Variants in A1CF observed in about 807,000 individuals in gnomAD.
A1CF encodes the protein APOBEC-1 stimulating protein.
A neutral mutation model predicts 68.9 loss-of-function variants in A1CF; 48 were observed. The observed-to-expected ratio is 0.70, with a 90% CI of 0.55 to 0.89. The LOEUF is 0.89. Ranked by LOEUF, A1CF falls within the 40% of genes least tolerant of loss-of-function variation. A1CF has a pLI of 0.00. For synonymous variants in A1CF, 272 were observed against 260.4 expected (o/e 1.04, Z -0.43); for missense variants, 653 against 718.9 (o/e 0.91, Z 1.05).
chr10:50,808,900 G>A (rs1837960995), intron 12 of A1CF, among the ~76,000 whole-genome samples: 1 of 151,832 alleles, frequency 6.6e-6, no homozygotes, highest in African/African-American at 2.4e-5. Flanking sequence ...TAATCAATAA[G>A]AATATCATGT....
intron 1 of A1CF, among the ~76,000 whole-genome samples, chr10:50,879,212 G>A (rs1250676061): frequency 1.3e-5 from 2 of 152,180 alleles, no homozygotes; most frequent in African/African-American, 4.8e-5. Flanking sequence ...TCTGAATTAG[G>A]TCAGTTTAAA....
rs144334869 is a variant in A1CF, at chr10:50,859,867, T to C, written c.74A>G (p.Gln25Arg). ...QKEAALRALV[Q>R]RTGYSLVQEN... is the part of the protein sequence containing the mutation. Reference sequence around the variant, plus strand: ...CTGGACCAAGCTATATCCTGTGCGCTGGACCAGTGCGCGGAGGGCTGCTTC... The same window carrying C: ...CTGGACCAAGCTATATCCTGTGCGCCGGACCAGTGCGCGGAGGGCTGCTTC... Residue 25 changes from glutamine to arginine, a missense_variant, in exon 3 of 13, where the codon CAG (glutamine) becomes CGG (arginine). Coordinates refer to ENST00000373997, the MANE Select transcript of A1CF (RefSeq NM_014576.4). The C allele has an allele frequency of 4.3e-6, 7 of 1,613,940 alleles. No homozygotes were observed. The highest frequency in any genetic ancestry group is 4.0e-5 in the African/African-American group (3 of 74,922).
At chr10:50,844,754 A>C (rs1235270623) in intron 3 of A1CF, among the ~76,000 whole-genome samples, 1 of 152,214 alleles carries the variant, frequency 6.6e-6, no homozygotes. Flanking sequence ...CCAATGTATC[A>C]CTGTACCATC....
intron 7 of A1CF, chr10:50,824,134 C>A (rs1452319479): frequency 6.6e-6 from 1 of 152,054 alleles, no homozygotes; most frequent in African/African-American, 2.4e-5. Flanking sequence ...CCACCAGCTG[C>A]AGACTGTGCC....
intron 1 of A1CF, among the ~76,000 whole-genome samples, chr10:50,876,298 T>G (rs146977850): frequency 7.8e-4 from 119 of 152,362 alleles, no homozygotes; most frequent in African/African-American, 2.7e-3. Context: ...CCTTTCCTTT[T>G]GTAATTGCTC....
chr10:50,836,411 G>T, intron 5 of A1CF, 99 bp from the exon 6 acceptor site: 1 of 1,350,304 alleles, frequency 7.4e-7, no homozygotes, highest in Non-Finnish European at 1.0e-6. Context: ...GATGTGGGAT[G>T]TTTGGGTTCA....
At chr10:50,863,792 G>A (rs1342514129) in intron 2 of A1CF, among the ~76,000 whole-genome samples, 1 of 151,952 alleles carries the variant, frequency 6.6e-6, no homozygotes. Context: ...TGAGACAGAA[G>A]TTCTACTATT....
At chr10:50,876,554 G>GGGC (rs2132609421) in intron 1 of A1CF, among the ~76,000 whole-genome samples, 1 of 152,334 alleles carries the variant, frequency 6.6e-6, no homozygotes, top group East Asian at 1.9e-4. Flanking sequence ...AGAGGGAGCT[G>GGGC]GGCCTGCATG....
intron 6 of A1CF, among the ~76,000 whole-genome samples, chr10:50,828,653 G>C (rs1463831383): frequency 6.6e-6 from 1 of 152,094 alleles, no homozygotes; most frequent in Non-Finnish European, 1.5e-5. Context: ...GAAAATTATG[G>C]ATTTAGGGCC....
intron 3 of A1CF, among the ~76,000 whole-genome samples, chr10:50,857,164 G>C (rs1840519505): frequency 6.6e-6 from 1 of 152,038 alleles, no homozygotes; most frequent in Non-Finnish European, 1.5e-5. Context: ...TTTTAAGACG[G>C]AATTGGACTT....
rs1448403406 is a variant in A1CF at position 50,803,226 on chromosome 10, C to T, written c.*3503G>A. 1 of 151,834 alleles carries T rather than the reference C, an allele frequency of 6.6e-6. No individual in the cohort carries two copies. The highest frequency in any genetic ancestry group is 1.5e-5 in the Non-Finnish European group (1 of 68,064). The allele number at this position is 151,834 out of a possible 1,614,324, so 9.4% of individuals were successfully genotyped here. A position where few individuals can be genotyped will look rare whatever the true frequency, so the allele number is the denominator to read the frequency against. ...GCCTTAGCTTCCCAAGTAGCTGGGA[C>T]CACAGGCCCACGCCACCACAACTGG... On this transcript the variant is annotated 3_prime_UTR_variant, in exon 13 of 13. Transcript: ENST00000373997.
intron 2 of A1CF, among the ~76,000 whole-genome samples, chr10:50,861,293 A>T (rs1840734129): frequency 6.6e-6 from 1 of 150,652 alleles, no homozygotes; most frequent in African/African-American, 2.4e-5. Flanking sequence ...ACTACCTACT[A>T]ATATTAGTAT....
rs771667377 is a variant in A1CF, at chr10:50,813,208, G to A, written c.1323+649C>T. On this transcript the variant is annotated intron_variant, in intron 10 of 12. Transcript: ENST00000373997. ...TCTGTTTTGTTTTATTTTTAACCCCGGGAGTCAGTTTCCATATTGAAACTT... is the reference window on the plus strand; with the variant it reads ...TCTGTTTTGTTTTATTTTTAACCCCAGGAGTCAGTTTCCATATTGAAACTT... Among the ~76,000 whole-genome samples the A allele has an allele frequency of 6.6e-5, 10 of 152,128 alleles. No homozygotes were observed. The East Asian group carries it at 7.7e-4, about 12-fold the overall frequency.
At chr10:50,880,521 G>A (rs148269264) in intron 1 of A1CF, among the ~76,000 whole-genome samples, 79 of 152,228 alleles carry the variant, frequency 5.2e-4, no homozygotes, top group African/African-American at 1.7e-3. Flanking sequence ...AGGGATCTTC[G>A]GAAAAGAAGG....
intron 10 of A1CF, 46 bp downstream of exon 10, chr10:50,813,811 C>T (rs1461599082): frequency 6.3e-7 from 1 of 1,580,500 alleles, no homozygotes; most frequent in East Asian, 2.2e-5. Flanking sequence ...GAATGATGCT[C>T]ATTGGCACAA....
intron 3 of A1CF, among the ~76,000 whole-genome samples, chr10:50,845,967 A>AC (rs992156629): frequency 1.2e-4 from 18 of 152,056 alleles, no homozygotes; most frequent in South Asian, 8.3e-4. Context: ...AAAAAAAAAA[A>AC]AACTCCTTAT....
chr10:50,833,770 T>G (rs947786807), intron 6 of A1CF, among the ~76,000 whole-genome samples: 23 of 152,124 alleles, frequency 1.5e-4, no homozygotes, highest in African/African-American at 5.6e-4. Flanking sequence ...GAGATCTCAT[T>G]AGAGGTGAAG....
intron 3 of A1CF, among the ~76,000 whole-genome samples, chr10:50,852,990 C>T (rs1840318567): frequency 6.6e-6 from 1 of 152,096 alleles, no homozygotes; most frequent in Non-Finnish European, 1.5e-5. Context: ...ATTCTTTGTA[C>T]CTGATGGCTT....
intron 4 of A1CF, 54 bp downstream of exon 4, chr10:50,843,934 A>G (rs1334454798): frequency 7.5e-6 from 12 of 1,603,022 alleles, no homozygotes; most frequent in Non-Finnish European, 1.0e-5. Flanking sequence ...AGTGAAGAGA[A>G]CAGTATTTTT....
Sources: allele counts gnomAD v4.1 joint callset (sites outside exome capture counted in the v4.1 genomes callset), GRCh38; gene constraint gnomAD v4.1.1; transcripts MANE v1.5; gene names NCBI Gene and HGNC (gene_info 2026-07-23, HGNC 2026-07-21).